Variants in LPP observed in about 807,000 individuals in gnomAD.
LPP encodes the protein LIM domain containing preferred translocation partner in lipoma.
Under a neutral mutation model 60.4 loss-of-function variants are expected in LPP, and 38 were observed. That is an observed-to-expected ratio of 0.63 (90% confidence interval 0.49 to 0.83). LPP has a LOEUF of 0.83. LPP is among the 40% of genes least tolerant of loss of function. The pLI is 0.00. For missense variants in LPP, 902 were observed against 783.6 expected (o/e 1.15, Z -1.80); for synonymous variants, 328 against 290.8 (o/e 1.13, Z -1.30).
rs748425901 is a variant in LPP at position 188,736,439 on chromosome 3, T to A, written c.1241-23674T>A. 5.9e-5 allele frequency among the ~76,000 whole-genome samples: 9 copies of A among 152,046 alleles called. No individual in the cohort carries two copies. The East Asian group carries it at 7.7e-4, about 13-fold the overall frequency. On this transcript the variant is annotated intron_variant, in intron 8 of 11. Coordinates refer to ENST00000617246, the MANE Select transcript of LPP (RefSeq NM_001375462.1). ...AAATGGATATTTAACTTAAAAAAAA[T>A]TTTATTCACATTAGTATGAAAAGAA... is the stretch of plus-strand genomic sequence containing the variant.
At chr3:188,842,765 A>G (rs190026660) in intron 9 of LPP, among the ~76,000 whole-genome samples, 168 of 151,906 alleles carry the variant, frequency 1.1e-3, no homozygotes, top group African/African-American at 4.0e-3. Context: ...TTTTTCATTG[A>G]GGCCTAATTT....
chr3:188,289,784 GTTCAAACCC>G (rs1745320603), intron 2 of LPP, among the ~76,000 whole-genome samples: 1 of 152,154 alleles, frequency 6.6e-6, no homozygotes, highest in Admixed American at 6.5e-5. Flanking sequence ...TCAGACAGGT[GTTCAAACCC>G]TACTATGCTT....
chr3:188,350,135 A>G (rs752510120), intron 3 of LPP, among the ~76,000 whole-genome samples: 4 of 152,150 alleles, frequency 2.6e-5, no homozygotes, highest in Non-Finnish European at 5.9e-5. Context: ...TCTCAGACCA[A>G]CGTGACTTAG....
At chr3:188,614,268 T>A (rs887621670) in intron 7 of LPP, among the ~76,000 whole-genome samples, 2 of 152,132 alleles carry the variant, frequency 1.3e-5, no homozygotes, top group Non-Finnish European at 2.9e-5. Flanking sequence ...TATACATTGA[T>A]TGCACTCTAA....
chr3:188,189,960 C>T (rs1394641350), intron 1 of LPP, among the ~76,000 whole-genome samples: 4 of 151,640 alleles, frequency 2.6e-5, no homozygotes, highest in African/African-American at 7.3e-5. Flanking sequence ...GGAGCAGGCA[C>T]GTATTGGGTG....
chr3:188,681,229 C>T (rs1342873210), intron 7 of LPP, among the ~76,000 whole-genome samples: 1 of 152,092 alleles, frequency 6.6e-6, no homozygotes, highest in African/African-American at 2.4e-5. Flanking sequence ...CTCTTGACCT[C>T]GTGATCCACC....
intron 9 of LPP, among the ~76,000 whole-genome samples, chr3:188,840,448 G>C (rs542329467): frequency 6.6e-6 from 1 of 152,100 alleles, no homozygotes; most frequent in Non-Finnish European, 1.5e-5. Context: ...ATTTGTAGAG[G>C]GCTGGACTTT....
chr3:188,290,716 C>T (rs1372350645), intron 2 of LPP, among the ~76,000 whole-genome samples: 3 of 152,192 alleles, frequency 2.0e-5, no homozygotes, highest in Admixed American at 2.0e-4. Flanking sequence ...TTTATCTGAA[C>T]GAGTAAACTT....
At chr3:188,829,229 C>T (rs562817364) in intron 9 of LPP, among the ~76,000 whole-genome samples, 1 of 152,184 alleles carries the variant, frequency 6.6e-6, no homozygotes, top group Admixed American at 6.5e-5. Flanking sequence ...TCCACCGCCT[C>T]TCCTCGCCTA....
intron 2 of LPP, among the ~76,000 whole-genome samples, chr3:188,248,091 T>A (rs1415899276): frequency 3.3e-5 from 5 of 152,110 alleles, no homozygotes; most frequent in Non-Finnish European, 5.9e-5. Context: ...TCTGATGGTA[T>A]CTTGCTTGAC....
chr3:188,749,351 G>A lies in LPP; in HGVS notation c.1241-10762G>A, dbSNP rs898939008. Among the ~76,000 whole-genome samples, 7 of 152,140 alleles carry A rather than the reference G, an allele frequency of 4.6e-5. No individual in the cohort carries two copies. The East Asian group carries it at 1.3e-3, about 29-fold the overall frequency. ...GCTATGACATCTTAATCAATGAATT[G>A]CCTCTCTCTTACCCTTTGTTATAGA... On this transcript the variant is annotated intron_variant, in intron 8 of 11. Transcript: ENST00000617246.
intron 9 of LPP, among the ~76,000 whole-genome samples, chr3:188,777,178 G>A (rs1400345420): frequency 1.3e-5 from 2 of 152,074 alleles, no homozygotes; most frequent in African/African-American, 2.4e-5. Flanking sequence ...ATCCTACAAG[G>A]CAAGTGTTAT....
chr3:188,866,853 T>A (rs1766757934), intron 10 of LPP, among the ~76,000 whole-genome samples: 3 of 152,180 alleles, frequency 2.0e-5, no homozygotes. Flanking sequence ...GATAGGGAGT[T>A]ATGGTGGACA....
intron 4 of LPP, among the ~76,000 whole-genome samples, chr3:188,451,077 A>G (rs1358052316): frequency 6.6e-6 from 1 of 152,014 alleles, no homozygotes; most frequent in Non-Finnish European, 1.5e-5. Flanking sequence ...TTTAAACATA[A>G]AGGCTTCACT....
intron 7 of LPP, among the ~76,000 whole-genome samples, chr3:188,697,290 G>T (rs1448925969): frequency 6.6e-6 from 1 of 152,164 alleles, no homozygotes; most frequent in Non-Finnish European, 1.5e-5. Flanking sequence ...GTGAAAGATG[G>T]GGAGTTAACC....
chr3:188,295,926 A>G (rs981963415), intron 2 of LPP, among the ~76,000 whole-genome samples: 4 of 152,184 alleles, frequency 2.6e-5, no homozygotes, highest in African/African-American at 9.7e-5. Flanking sequence ...TTTGAAATGC[A>G]CATAGCCTTC....
At chr3:188,424,203 T>TAA (rs1788669565) in intron 4 of LPP, among the ~76,000 whole-genome samples, 1 of 152,206 alleles carries the variant, frequency 6.6e-6, no homozygotes, top group African/African-American at 2.4e-5. Context: ...CAGCATTTAT[T>TAA]AAATAGAGAA....
intron 6 of LPP, among the ~76,000 whole-genome samples, chr3:188,586,622 T>A (rs149034315): frequency 6.6e-6 from 1 of 152,204 alleles, no homozygotes; most frequent in Non-Finnish European, 1.5e-5. Context: ...AGAAAAGATA[T>A]TTCTATGAGA....
intron 1 of LPP, among the ~76,000 whole-genome samples, chr3:188,220,503 G>A (rs905623775): frequency 3.3e-5 from 5 of 152,188 alleles, no homozygotes; most frequent in Non-Finnish European, 7.3e-5. Context: ...GGTGACATCA[G>A]CACAGGCTCA....
Sources: gnomAD v4.1 joint callset for allele counts (sites outside exome capture counted in the v4.1 genomes callset) on GRCh38, gnomAD v4.1.1 for gene constraint, MANE v1.5 for transcripts, NCBI Gene and HGNC (gene_info 2026-07-23, HGNC 2026-07-21) for gene names.